NRIP3: variants seen among roughly 807,000 people sequenced by gnomAD.
The protein encoded by NRIP3 is nuclear receptor interacting protein 3, also known as nuclear receptor-interacting protein 3.
Under a neutral mutation model 29.0 loss-of-function variants are expected in NRIP3, and 31 were observed. The ratio of observed to expected loss-of-function variants is 1.07; its 90% CI spans 0.80 to 1.44. The LOEUF (loss-of-function observed/expected upper bound fraction) is 1.44. Ranked by LOEUF, NRIP3 falls within the 40% of genes most tolerant of loss-of-function variation. NRIP3 has a pLI of 0.00. For missense variants in NRIP3, 314 were observed against 297.9 expected, an observed-to-expected ratio of 1.05 and a Z score of -0.40; for synonymous variants, 131 against 118.3, an observed-to-expected ratio of 1.11 and a Z score of -0.70.
At chr11:8,992,336 G>A (rs183976908) in intron 1 of NRIP3, among the ~76,000 whole-genome samples, 2 of 152,268 alleles carry the variant, frequency 1.3e-5, no homozygotes, top group East Asian at 3.9e-4. Flanking sequence ...TTCAGATTTC[G>A]AGAACAGCTG....
intron 1 of NRIP3, among the ~76,000 whole-genome samples, chr11:9,002,288 C>A (rs983245867): frequency 6.6e-6 from 1 of 152,056 alleles, no homozygotes; most frequent in Non-Finnish European, 1.5e-5. Flanking sequence ...CTTCTCGAAC[C>A]TGATTTGTTA....
At position 8,985,724 on chromosome 11, in the gene NRIP3, T is replaced by G. The variant is rs1854510264; in HGVS notation, c.549A>C (p.Pro183=). The G allele has an allele frequency of 1.2e-6, 2 of 1,613,948 alleles. No homozygotes were observed. The highest frequency in any genetic ancestry group is 3.3e-5 in the Admixed American group (2 of 60,022). Residue 183 remains proline, a synonymous_variant, in exon 4 of 7, where the codon CCA becomes CCC. Coordinates refer to ENST00000309166, the MANE Select transcript of NRIP3 (RefSeq NM_020645.3). ...ITLGSLRLDC[P]AAVVDDNEKN... ...AATTCTGCTTACCAACCACAGCTGC[T>G]GGGCAGTCCAGGCGGAGGGAGCCCA... is the stretch of plus-strand genomic sequence containing the variant.
Position 9,003,767 on chromosome 11 carries a change from C to T in NRIP3, c.169G>A (p.Asp57Asn). The change falls in exon 1 of 7, where the codon GAC becomes AAC. Residue 57 changes from aspartate (D) to asparagine (N), a missense_variant. Physicochemically the swap from Asp to Asn is conservative, Grantham distance 23 (BLOSUM62 1). Transcript: ENST00000309166. ...GAACGGCGGCGGGGGCTCACCATGTCCTTGGACGAGCCCAGCTTCTTGAGG... is the reference window on the plus strand; with the variant it reads ...GAACGGCGGCGGGGGCTCACCATGTTCTTGGACGAGCCCAGCTTCTTGAGG... ...DGLKKLGSSK[D>N]MQPHNILQRR... The T allele has an allele frequency of 6.9e-7, 1 of 1,457,914 alleles. No individual in the cohort carries two copies. Among genetic ancestry groups the T allele is most frequent in the Non-Finnish European group, 9.1e-7 (1 of 1,098,426 alleles). 90.3% of individuals were successfully genotyped at this position (1,457,914 alleles called of 1,614,324 possible).
At chr11:8,987,020 AAAAC>A in intron 3 of NRIP3, among the ~76,000 whole-genome samples, 1 of 152,338 alleles carries the variant, frequency 6.6e-6, no homozygotes, top group Non-Finnish European at 1.5e-5. Context: ...TCCGCCACAC[AAAAC>A]AAACAAAAGA....
rs2134901371 is a variant in NRIP3, at chr11:8,981,868, C to T, written c.*1677G>A. 6.6e-6 allele frequency: 1 copy of T among 152,276 alleles called. No individual in the cohort carries two copies. The highest frequency in any genetic ancestry group is 2.1e-4 in the South Asian group (1 of 4,826). The allele number at this position is 152,276 out of a possible 1,614,324, so 9.4% of individuals were successfully genotyped here. ...CCCATGACAACTGACTGCAGTATGGCTGCCTAGTTGTTCAAATGATAGTCA... is the reference window on the plus strand; with the variant it reads ...CCCATGACAACTGACTGCAGTATGGTTGCCTAGTTGTTCAAATGATAGTCA... On this transcript the variant is annotated 3_prime_UTR_variant, in exon 7 of 7. Coordinates refer to ENST00000309166, the MANE Select transcript of NRIP3 (RefSeq NM_020645.3).
intron 1 of NRIP3, among the ~76,000 whole-genome samples, chr11:8,993,363 T>A (rs1433627463): frequency 6.6e-6 from 1 of 152,172 alleles, no homozygotes; most frequent in East Asian, 1.9e-4. Flanking sequence ...AATAGTACAT[T>A]TGACTCAGCT....
chr11:8,998,204 A>G (rs1292671893), intron 1 of NRIP3, among the ~76,000 whole-genome samples: 3 of 152,204 alleles, frequency 2.0e-5, no homozygotes, highest in Admixed American at 6.5e-5. Flanking sequence ...AGCTGAGTAT[A>G]TAACACGTGA....
chr11:8,987,707 A>G, intron 2 of NRIP3, 77 bp from the exon 3 acceptor site: 1 of 1,094,584 alleles, frequency 9.1e-7, no homozygotes, highest in Admixed American at 1.7e-5. Flanking sequence ...CAAGCAGCAG[A>G]TGTCATATGA....
intron 4 of NRIP3, among the ~76,000 whole-genome samples, chr11:8,985,005 C>T (rs535364087): frequency 7.9e-5 from 12 of 151,862 alleles, no homozygotes; most frequent in African/African-American, 1.2e-4. Flanking sequence ...GTATGCGCCA[C>T]CAGTCCCGGC....
chr11:8,997,474 G>A (rs1184067520), intron 1 of NRIP3, among the ~76,000 whole-genome samples: 3 of 151,864 alleles, frequency 2.0e-5, no homozygotes, highest in East Asian at 3.9e-4. Context: ...TCTTTCTGAC[G>A]TGGATTCTGC....
chr11:8,985,706 C>T lies in NRIP3; in HGVS notation c.562+5G>A, dbSNP rs1187969803. On this transcript the variant is annotated splice_donor_5th_base_variant and intron_variant, in intron 4 of 6. Coordinates refer to ENST00000309166, the MANE Select transcript of NRIP3 (RefSeq NM_020645.3). ...TCCATAGGTCCAGCCCTCAATTCTG[C>T]TTACCAACCACAGCTGCTGGGCAGT... The T allele has an allele frequency of 6.2e-7, 1 of 1,613,300 alleles. No homozygotes were observed. Among genetic ancestry groups the T allele is most frequent in the Admixed American group, 1.7e-5 (1 of 59,958 alleles).
chr11:8,983,551 T>C lies in NRIP3; in HGVS notation c.720A>G (p.Glu240=). 6.2e-7 allele frequency: 1 copy of C among 1,613,834 alleles called. No homozygotes were observed. Among genetic ancestry groups the C allele is most frequent in the Non-Finnish European group, 8.5e-7 (1 of 1,179,774 alleles). Residue 240 remains glutamate, a synonymous_variant, in exon 7 of 7, where the codon GAA becomes GAG. Transcript: ENST00000309166. ...TVSLNEDNTS[E]A ...GACATGCTGCAGGCTGTAGTTATGC[T>C]TCTGAAGTGCTGAAATGAGAAATAA... is the stretch of plus-strand genomic sequence containing the variant.
rs1305316144 is a variant in NRIP3, at chr11:8,982,154, G to A, written c.*1391C>T. 4 of 152,224 alleles carry A rather than the reference G, an allele frequency of 2.6e-5. No homozygotes were observed. Among genetic ancestry groups the A allele is most frequent in the Non-Finnish European group, 5.9e-5 (4 of 68,064 alleles). 9.4% of individuals were successfully genotyped at this position (152,224 alleles called of 1,614,324 possible). ...ACTTCTATGACCAAACTGAAGGGGAGATTCCATTATAGACACCTGTGTGCC... is the reference window on the plus strand; with the variant it reads ...ACTTCTATGACCAAACTGAAGGGGAAATTCCATTATAGACACCTGTGTGCC... On this transcript the variant is annotated 3_prime_UTR_variant, in exon 7 of 7. Transcript: ENST00000309166.
At position 8,983,119 on chromosome 11, in the gene NRIP3, G is replaced by T; in HGVS notation, c.*426C>A. ...CTAATTCTAAGACATAGGTATCCTG[G>T]CACCTGTTTGAAACAGCTGAAAGGA... On this transcript the variant is annotated 3_prime_UTR_variant, in exon 7 of 7. Coordinates refer to ENST00000309166, the MANE Select transcript of NRIP3 (RefSeq NM_020645.3). 2.4e-6 allele frequency: 1 copy of T among 421,906 alleles called. No homozygotes were observed. The highest frequency in any genetic ancestry group is 2.8e-5 in the Admixed American group (1 of 35,142). The allele number at this position is 421,906 out of a possible 1,614,324, so 26.1% of individuals were successfully genotyped here.
At chr11:8,987,139 G>A (rs1854532828) in intron 3 of NRIP3, among the ~76,000 whole-genome samples, 1 of 152,186 alleles carries the variant, frequency 6.6e-6, no homozygotes, top group Admixed American at 6.5e-5. Flanking sequence ...GCATCCTCCA[G>A]AAAGACTCTG....
intron 2 of NRIP3, 91 bp from the exon 3 acceptor site, chr11:8,987,721 G>T: frequency 1.0e-6 from 1 of 994,870 alleles, no homozygotes; most frequent in Non-Finnish European, 1.6e-6. Flanking sequence ...CATATGAAAG[G>T]CAGGGTTGGA....
chr11:8,999,688 C>G (rs1854764666), intron 1 of NRIP3, among the ~76,000 whole-genome samples: 1 of 152,186 alleles, frequency 6.6e-6, no homozygotes, highest in Admixed American at 6.5e-5. Context: ...CACTGGTCCT[C>G]TTACAGTTCT....
intron 3 of NRIP3, among the ~76,000 whole-genome samples, chr11:8,987,056 A>G (rs1854531601): frequency 6.6e-6 from 1 of 152,182 alleles, no homozygotes; most frequent in Admixed American, 6.5e-5. Context: ...AATTACCCTT[A>G]TGATGGCCCA....
intron 1 of NRIP3, among the ~76,000 whole-genome samples, chr11:9,000,563 A>G (rs1162808999): frequency 6.6e-6 from 1 of 152,256 alleles, no homozygotes; most frequent in Non-Finnish European, 1.5e-5. Flanking sequence ...CTATTGCCAG[A>G]CAAGTAAGAA....
Sources: allele counts gnomAD v4.1 joint callset (sites outside exome capture counted in the v4.1 genomes callset), GRCh38; gene constraint gnomAD v4.1.1; transcripts MANE v1.5; gene names NCBI Gene and HGNC (gene_info 2026-07-23, HGNC 2026-07-21).